The following PATJ variants were observed in gnomAD, a reference collection of about 807,000 sequenced individuals.
PATJ encodes the protein inaD-like protein.
PATJ carries 190 observed loss-of-function variants against 224.9 expected under a neutral mutation model. That is an observed-to-expected ratio of 0.84 (90% CI 0.75 to 0.95). The LOEUF (loss-of-function observed/expected upper bound fraction) is 0.95. Among genes scored for constraint, PATJ ranks in the 40% least tolerant of loss-of-function variants. The pLI is 0.00. For synonymous variants in PATJ, 769 were observed against 820.3 expected (o/e 0.94, Z 1.07); for missense variants, 2,121 against 2,270.3 (o/e 0.93, Z 1.34).
At chr1:61,942,740 G>A (rs753478124) in intron 27 of PATJ, among the ~76,000 whole-genome samples, 43 of 152,046 alleles carry the variant, frequency 2.8e-4, no homozygotes, top group Admixed American at 1.2e-3. Context: ...TAGTAGAGAC[G>A]GGGTTTCACT....
chr1:61,876,851 G>A (rs1667398502), intron 21 of PATJ, among the ~76,000 whole-genome samples: 1 of 152,126 alleles, frequency 6.6e-6, no homozygotes, highest in Middle Eastern at 3.4e-3. Flanking sequence ...TTGACCTTTT[G>A]GTTAATCCAA....
chr1:62,106,157 T>C (rs1473023439), intron 33 of PATJ, among the ~76,000 whole-genome samples: 1 of 68,646 alleles, frequency 1.5e-5, no homozygotes, highest in Non-Finnish European at 3.0e-5. Context: ...TGTGTGTGTG[T>C]GTATATATAT....
intron 1 of PATJ, among the ~76,000 whole-genome samples, chr1:61,748,730 G>A (rs191259234): frequency 3.3e-5 from 5 of 152,058 alleles, no homozygotes; most frequent in Admixed American, 3.3e-4. Context: ...CCATGATCAT[G>A]GTTCACTAGC....
At chr1:61,840,387 T>C (rs2148828623) in intron 17 of PATJ, among the ~76,000 whole-genome samples, 1 of 152,142 alleles carries the variant, frequency 6.6e-6, no homozygotes. Context: ...TAAATCTACC[T>C]CTGACCATAA....
intron 1 of PATJ, among the ~76,000 whole-genome samples, chr1:61,755,846 G>T (rs1645606113): frequency 1.3e-5 from 2 of 152,266 alleles, no homozygotes; most frequent in Middle Eastern, 3.4e-3. Context: ...CTGTTGCCCA[G>T]GCTGGAGCGC....
intron 33 of PATJ, among the ~76,000 whole-genome samples, chr1:62,088,956 C>T (rs1015954883): frequency 6.6e-5 from 10 of 151,326 alleles, no homozygotes; most frequent in African/African-American, 2.4e-4. Context: ...CACACTTTCC[C>T]GAGGAGGTGT....
Position 62,050,988 on chromosome 1 carries a change from T to G in PATJ, c.4055T>G (p.Ile1352Ser), listed in dbSNP as rs1558096076. The change falls in exon 31 of 44, where the codon ATT (isoleucine) becomes AGT (serine). Residue 1352 changes from isoleucine to serine, a missense_variant. Transcript: ENST00000642238. ...TAGGATCAGAGCGGCACCGAACCTA[T>G]TAGTAGTGAGGAAGATGGCAGCGTC... ...SIEDQSGTEP[I>S]SSEEDGSVEV... 3.7e-6 allele frequency: 6 copies of G among 1,613,832 alleles called. No individual in the cohort carries two copies. The Admixed American group carries it at 6.7e-5, about 18-fold the overall frequency.
At chr1:61,759,734 C>T (rs1645858088) in intron 1 of PATJ, among the ~76,000 whole-genome samples, 1 of 152,146 alleles carries the variant, frequency 6.6e-6, no homozygotes, top group South Asian at 2.1e-4. Flanking sequence ...TTTACTTTTT[C>T]CAGGAGTTTT....
chr1:61,795,214 G>C (rs919447849), intron 9 of PATJ, among the ~76,000 whole-genome samples: 10 of 151,576 alleles, frequency 6.6e-5, no homozygotes, highest in Admixed American at 3.3e-4. Context: ...GCTTAAATTA[G>C]AGTACATTTC....
intron 32 of PATJ, among the ~76,000 whole-genome samples, chr1:62,082,115 C>T (rs1030237856): frequency 1.3e-5 from 2 of 152,126 alleles, no homozygotes; most frequent in African/African-American, 4.8e-5. Context: ...GTCCACACAG[C>T]CTCTGTTGTA....
intron 23 of PATJ, among the ~76,000 whole-genome samples, chr1:61,900,920 A>G (rs953347003): frequency 6.6e-6 from 1 of 152,106 alleles, no homozygotes; most frequent in African/African-American, 2.4e-5. Flanking sequence ...TGTCTTGCCC[A>G]TTTGTTATTT....
chr1:61,937,556 A>T (rs979485024), intron 27 of PATJ, among the ~76,000 whole-genome samples: 6 of 151,954 alleles, frequency 3.9e-5, no homozygotes, highest in Admixed American at 6.6e-5. Flanking sequence ...AATAGTCTTT[A>T]AAAAAAATAC....
chr1:61,814,130 C>CTTTTTTTT lies in PATJ; in HGVS notation c.1683+5616_1683+5623dup, dbSNP rs762502160. ...TCACCCAAAATTACATTATTCTCTT[C>CTTTTTTTT]TTTTTTTTTTTTTTTTTTTTTTTGA... On this transcript the variant is annotated intron_variant, in intron 14 of 43. Transcript: ENST00000642238. Among the ~76,000 whole-genome samples the CTTTTTTTT allele has an allele frequency of 6.4e-4, 55 of 85,904 alleles. 1 individual carries two copies. Among genetic ancestry groups the CTTTTTTTT allele is most frequent in the African/African-American group, 1.7e-3 (36 of 21,036 alleles). The allele number at this position is 85,904 out of a possible 152,430, so 56.4% of individuals were successfully genotyped here.
intron 10 of PATJ, among the ~76,000 whole-genome samples, chr1:61,796,611 C>T (rs1446497303): frequency 1.3e-5 from 2 of 152,094 alleles, no homozygotes; most frequent in Non-Finnish European, 1.5e-5. Flanking sequence ...GCATGTTTTA[C>T]TAGTTTTACA....
chr1:61,767,507 T>G (rs1364828559), intron 4 of PATJ, among the ~76,000 whole-genome samples: 1 of 151,906 alleles, frequency 6.6e-6, no homozygotes, highest in Non-Finnish European at 1.5e-5. Flanking sequence ...CCACTGTACT[T>G]CAGCCTGGGT....
intron 31 of PATJ, among the ~76,000 whole-genome samples, chr1:62,057,093 G>A (rs915901187): frequency 6.6e-6 from 1 of 152,152 alleles, no homozygotes; most frequent in Non-Finnish European, 1.5e-5. Context: ...CTCCTAAAGT[G>A]CTGAGATTAC....
chr1:61,957,994 G>C (rs1680676473), intron 27 of PATJ, among the ~76,000 whole-genome samples: 1 of 152,088 alleles, frequency 6.6e-6, no homozygotes, highest in Non-Finnish European at 1.5e-5. Context: ...TGATTAAATG[G>C]CATAAAATAT....
chr1:61,947,325 T>G (rs1678892202), intron 27 of PATJ, among the ~76,000 whole-genome samples: 1 of 152,178 alleles, frequency 6.6e-6, no homozygotes, highest in Non-Finnish European at 1.5e-5. Context: ...AACCCCATCA[T>G]CTAAGCCCAA....
intron 33 of PATJ, among the ~76,000 whole-genome samples, chr1:62,098,358 CAAAA>C (rs57285107): frequency 8.1e-6 from 1 of 123,452 alleles, no homozygotes; most frequent in African/African-American, 3.1e-5. Context: ...GACTCCATCT[CAAAA>C]AAAAAAAGAA....
Sources: allele counts gnomAD v4.1 joint callset (sites outside exome capture counted in the v4.1 genomes callset), GRCh38; gene constraint gnomAD v4.1.1; transcripts MANE v1.5; gene names NCBI Gene and HGNC (gene_info 2026-07-23, HGNC 2026-07-21).